CEP112: variants seen among roughly 807,000 people sequenced by gnomAD.
CEP112 encodes the protein centrosomal protein 112, also known as centrosomal protein of 112 kDa.
A neutral mutation model predicts 153.0 loss-of-function variants in CEP112; 127 were observed. The observed-to-expected ratio is 0.83, with a 90% confidence interval of 0.72 to 0.96. CEP112 has a LOEUF of 0.96. Ranked by LOEUF, CEP112 falls within the 40% of genes least tolerant of loss-of-function variation. The pLI is 0.00. For synonymous variants in CEP112, 358 were observed against 374.4 expected (o/e 0.96, Z 0.51); for missense variants, 1,089 against 1,101.2 (o/e 0.99, Z 0.16).
chr17:65,866,523 C>T (rs2146450872), intron 20 of CEP112, among the ~76,000 whole-genome samples: 1 of 152,346 alleles, frequency 6.6e-6, no homozygotes, highest in East Asian at 1.9e-4. Flanking sequence ...GGGAGCTGGG[C>T]TGCTGGTCCC....
chr17:65,653,600 C>T (rs529397211), intron 24 of CEP112, among the ~76,000 whole-genome samples: 26 of 152,124 alleles, frequency 1.7e-4, no homozygotes, highest in African/African-American at 4.3e-4. Flanking sequence ...TGAAGGGTGG[C>T]GAAGGGCCAG....
chr17:66,054,636 A>G (rs1373077), intron 11 of CEP112, among the ~76,000 whole-genome samples: 86,281 of 151,744 alleles, frequency 0.57, 25,671 homozygotes, highest in African/African-American at 0.67. Flanking sequence ...GCATTCCTTC[A>G]CTTATCTTAA....
In CEP112 at chr17:65,830,775, T is replaced by C. The variant is rs191776172; in HGVS notation, c.2394+21029A>G. Among the ~76,000 whole-genome samples the C allele has an allele frequency of 2.2e-4, 34 of 152,306 alleles. No homozygotes were observed. The East Asian group carries it at 6.4e-3, about 28-fold the overall frequency. Reference sequence around the variant, plus strand: ...GTTCTGGTGCCTGCTTAAGTCTTCCTTACACTAGGAAACAATGGCAGGTCA... The same window carrying C: ...GTTCTGGTGCCTGCTTAAGTCTTCCCTACACTAGGAAACAATGGCAGGTCA... On this transcript the variant is annotated intron_variant, in intron 21 of 26. Coordinates refer to ENST00000535342, the MANE Select transcript of CEP112 (RefSeq NM_001199165.4).
chr17:65,747,898 C>T (rs2051573021), intron 22 of CEP112, among the ~76,000 whole-genome samples: 1 of 152,158 alleles, frequency 6.6e-6, no homozygotes, highest in Non-Finnish European at 1.5e-5. Flanking sequence ...TAATCTTATG[C>T]TCTCTGAGGT....
At position 65,750,165 on chromosome 17, in the gene CEP112, G is replaced by A. The variant is rs190561588; in HGVS notation, c.2457+497C>T. 2.8e-4 allele frequency among the ~76,000 whole-genome samples: 43 copies of A among 152,294 alleles called. No homozygotes were observed. In the East Asian group the frequency reaches 6.6e-3, roughly 23 times the overall value. ...ACAAATAGCAAGTTATGGATGTAGG[G>A]ACTTAGAATTCTCTTTGTCCTAAAA... On this transcript the variant is annotated intron_variant, in intron 22 of 26. Transcript: ENST00000535342.
intron 21 of CEP112, among the ~76,000 whole-genome samples, chr17:65,772,609 CACACACACAG>C (rs1282355703): frequency 4.6e-4 from 16 of 34,822 alleles, no homozygotes; most frequent in East Asian, 7.6e-3. Flanking sequence ...CACACACACA[CACACACACAG>C]ACAGCCCCTT....
intron 15 of CEP112, 31 bp from the exon 16 acceptor site, chr17:66,027,591 A>G (rs1347446878): frequency 1.7e-6 from 2 of 1,195,022 alleles, no homozygotes; most frequent in Non-Finnish European, 2.2e-6. Context: ...TATTTATTAT[A>G]CTTTAAATTA....
chr17:65,694,188 G>T (rs1172248245), intron 23 of CEP112, among the ~76,000 whole-genome samples: 1 of 152,146 alleles, frequency 6.6e-6, no homozygotes, highest in Non-Finnish European at 1.5e-5. Flanking sequence ...ATGAGAAGAG[G>T]TTCTAAAACC....
At chr17:65,966,733 G>C (rs2062428562) in intron 17 of CEP112, among the ~76,000 whole-genome samples, 1 of 152,156 alleles carries the variant, frequency 6.6e-6, no homozygotes, top group Non-Finnish European at 1.5e-5. Flanking sequence ...AACTGCTTTG[G>C]CCTCTTCTTC....
intron 18 of CEP112, among the ~76,000 whole-genome samples, chr17:65,952,047 T>C (rs2061853549): frequency 6.6e-6 from 1 of 152,198 alleles, no homozygotes; most frequent in Non-Finnish European, 1.5e-5. Flanking sequence ...TTTTCTTTTG[T>C]TGTTTACTTC....
chr17:65,651,779 C>T (rs1272065147), intron 24 of CEP112, among the ~76,000 whole-genome samples: 1 of 152,074 alleles, frequency 6.6e-6, no homozygotes, highest in African/African-American at 2.4e-5. Flanking sequence ...CAGCTCACTA[C>T]AAACTCCACC....
intron 21 of CEP112, among the ~76,000 whole-genome samples, chr17:65,787,948 A>C (rs955432023): frequency 6.6e-6 from 1 of 152,072 alleles, no homozygotes; most frequent in African/African-American, 2.4e-5. Flanking sequence ...TCTGTATTTC[A>C]CTGTTGAACA....
intron 23 of CEP112, among the ~76,000 whole-genome samples, chr17:65,714,617 T>C (rs1167228893): frequency 6.6e-6 from 1 of 152,174 alleles, no homozygotes; most frequent in African/African-American, 2.4e-5. Context: ...CTAGCCATAC[T>C]ATCAGTTCTT....
At chr17:65,674,419 T>C (rs1309902475) in intron 24 of CEP112, among the ~76,000 whole-genome samples, 2 of 152,226 alleles carry the variant, frequency 1.3e-5, no homozygotes, top group Non-Finnish European at 2.9e-5. Context: ...TTTTACATGG[T>C]GGCCTTTGCC....
At chr17:66,087,513 T>G (rs1320137079) in intron 8 of CEP112, among the ~76,000 whole-genome samples, 1 of 152,242 alleles carries the variant, frequency 6.6e-6, no homozygotes, top group Non-Finnish European at 1.5e-5. Flanking sequence ...CATTTGTTTT[T>G]ATTTCAACAG....
intron 19 of CEP112, among the ~76,000 whole-genome samples, chr17:65,918,427 G>C (rs1193212236): frequency 1.3e-5 from 2 of 152,180 alleles, no homozygotes; most frequent in Non-Finnish European, 2.9e-5. Context: ...CAGCTTGTAA[G>C]AAGTTGGCCC....
chr17:65,706,556 A>C (rs2048923367), intron 23 of CEP112, among the ~76,000 whole-genome samples: 1 of 152,236 alleles, frequency 6.6e-6, no homozygotes, highest in Admixed American at 6.5e-5. Flanking sequence ...TCCCAGGCTT[A>C]ACAGGTTCAA....
intron 10 of CEP112, 133 bp from the exon 11 acceptor site, chr17:66,063,214 C>A (rs1598271787): frequency 2.2e-6 from 1 of 445,264 alleles, no homozygotes; most frequent in East Asian, 3.6e-5. Context: ...TCTAAAATAT[C>A]TTTTATTCCT....
At chr17:66,065,614 T>A (rs1219495705) in intron 10 of CEP112, among the ~76,000 whole-genome samples, 1 of 147,412 alleles carries the variant, frequency 6.8e-6, no homozygotes, top group Non-Finnish European at 1.5e-5. Flanking sequence ...GTCAACTATC[T>A]TAATATTTTA....
Sources: allele counts gnomAD v4.1 joint callset (sites outside exome capture counted in the v4.1 genomes callset), GRCh38; gene constraint gnomAD v4.1.1; transcripts MANE v1.5; gene names NCBI Gene and HGNC (gene_info 2026-07-23, HGNC 2026-07-21).